UIMC1: variants seen among roughly 807,000 people sequenced by gnomAD.
The protein encoded by UIMC1 is BRCA1-A complex subunit RAP80.
In UIMC1, 42 loss-of-function variants were observed where a neutral mutation model predicts 84.9. The ratio of observed to expected loss-of-function variants is 0.49; its 90% CI spans 0.39 to 0.64. The LOEUF is 0.64. UIMC1 is among the 30% of genes least tolerant of loss of function. UIMC1 has a pLI of 0.00. For missense variants in UIMC1, 825 were observed against 847.6 expected, an observed-to-expected ratio of 0.97 and a Z score of 0.33; for synonymous variants, 281 against 293.0, an observed-to-expected ratio of 0.96 and a Z score of 0.42.
At chr5:176,989,898 G>A (rs1772553981) in intron 1 of UIMC1, among the ~76,000 whole-genome samples, 1 of 150,852 alleles carries the variant, frequency 6.6e-6, no homozygotes, top group South Asian at 2.1e-4. Context: ...ATGGGGCCTG[G>A]GGCCAGGCGC....
chr5:177,010,625 G>A (rs1292620635), upstream of UIMC1, among the ~76,000 whole-genome samples: 1 of 151,898 alleles, frequency 6.6e-6, no homozygotes, highest in African/African-American at 2.4e-5. Flanking sequence ...GGGTTCAAGC[G>A]ATTCTCCTGC....
chr5:176,963,237 G>A (rs1413494072), intron 6 of UIMC1, among the ~76,000 whole-genome samples: 2 of 151,310 alleles, frequency 1.3e-5, no homozygotes, highest in African/African-American at 2.4e-5. Flanking sequence ...AAGTGAAAAT[G>A]GGGCTGGGCA....
intron 6 of UIMC1, among the ~76,000 whole-genome samples, chr5:176,958,903 T>C (rs1198110101): frequency 6.6e-6 from 1 of 152,260 alleles, no homozygotes; most frequent in African/African-American, 2.4e-5. Flanking sequence ...ACTGCTGCCT[T>C]AGGCAGACTT....
At chr5:176,942,160 A>C (rs1318346218) in intron 10 of UIMC1, among the ~76,000 whole-genome samples, 4 of 152,170 alleles carry the variant, frequency 2.6e-5, no homozygotes, top group African/African-American at 9.7e-5. Context: ...TCTTAAAGAG[A>C]TAAACCAACA....
intron 9 of UIMC1, among the ~76,000 whole-genome samples, chr5:176,946,263 C>T (rs1392316771): frequency 2.0e-5 from 3 of 152,128 alleles, no homozygotes; most frequent in Admixed American, 6.6e-5. Flanking sequence ...GGGCTGCTGG[C>T]CAGATCCCAC....
In UIMC1 at chr5:176,969,669, C is replaced by T. The variant is rs757774722; in HGVS notation, c.395G>A (p.Arg132Gln). The T allele has an allele frequency of 6.8e-6, 11 of 1,613,908 alleles. 1 individual carries two copies. The East Asian group carries it at 1.3e-4, about 20-fold the overall frequency. The stretch of plus-strand genomic sequence containing the variant: ...GGAAGACGGTCCAGTGGCCAGAGGT[C>T]GAGATCTGGTAGCGGAAGCATCAGA... ...RPSDASATRS[R>Q]PLATGPSSQS... Residue 132 changes from arginine to glutamine, a missense_variant, in exon 5 of 15, where the codon CGA (arginine) becomes CAA (glutamine). By Grantham distance (43) the Arg-to-Gln change is conservative. Transcript: ENST00000511320.
intron 1 of UIMC1, among the ~76,000 whole-genome samples, chr5:176,986,104 T>C (rs918634901): frequency 6.6e-6 from 1 of 151,488 alleles, no homozygotes; most frequent in African/African-American, 2.4e-5. Flanking sequence ...CATGGCATCC[T>C]GTGTCTACAG....
chr5:176,905,585 G>A, intron 14 of UIMC1, 93 bp from the exon 15 acceptor site: 1 of 1,133,228 alleles, frequency 8.8e-7, no homozygotes, highest in Non-Finnish European at 1.3e-6. Context: ...ACATATCAGG[G>A]GATTATTAGT....
chr5:177,010,795 C>T (rs1412079313), upstream of UIMC1, among the ~76,000 whole-genome samples: 1 of 151,978 alleles, frequency 6.6e-6, no homozygotes, highest in African/African-American at 2.4e-5. Context: ...AGTGAGCAAC[C>T]GGGTCCGGCC....
intron 1 of UIMC1, among the ~76,000 whole-genome samples, chr5:176,988,966 C>A (rs1007591429): frequency 1.3e-5 from 2 of 152,014 alleles, no homozygotes; most frequent in Non-Finnish European, 2.9e-5. Context: ...ACAGGGTAAG[C>A]CACCGTGCCC....
At chr5:176,924,411 G>A (rs1360698073) in intron 10 of UIMC1, among the ~76,000 whole-genome samples, 1 of 151,462 alleles carries the variant, frequency 6.6e-6, no homozygotes, top group African/African-American at 2.4e-5. Context: ...TTTAAGACTC[G>A]CTATGAAGCT....
intron 10 of UIMC1, among the ~76,000 whole-genome samples, chr5:176,924,777 A>AT (rs1357136628): frequency 6.6e-6 from 1 of 152,204 alleles, no homozygotes; most frequent in Admixed American, 6.5e-5. Context: ...GCGGTGGCTC[A>AT]TATCTGTAAT....
intron 1 of UIMC1, among the ~76,000 whole-genome samples, chr5:177,020,991 G>A (rs1320867563): frequency 6.6e-6 from 1 of 152,174 alleles, no homozygotes; most frequent in African/African-American, 2.4e-5. Flanking sequence ...AATGACAAGA[G>A]ACAAAAGGCT....
At chr5:176,956,112 C>A in intron 7 of UIMC1, 77 bp from the exon 8 acceptor site, 1 of 1,386,060 alleles carries the variant, frequency 7.2e-7, no homozygotes, top group South Asian at 1.2e-5. Flanking sequence ...TGGTGAGTCA[C>A]TCACAAAGCC....
chr5:176,915,570 C>T (rs1760864736), intron 10 of UIMC1, among the ~76,000 whole-genome samples: 1 of 151,590 alleles, frequency 6.6e-6, no homozygotes, highest in Admixed American at 6.6e-5. Flanking sequence ...ATTCTCCTGC[C>T]TCAGCCCCCT....
At chr5:176,986,197 TAAAAACACAA>T (rs1293106908) in intron 1 of UIMC1, among the ~76,000 whole-genome samples, 1 of 150,512 alleles carries the variant, frequency 6.6e-6, no homozygotes, top group Admixed American at 6.6e-5. Context: ...CCATCTCCAC[TAAAAACACAA>T]AAATTAGCTC....
chr5:176,984,316 G>C (rs1415023773), intron 1 of UIMC1, among the ~76,000 whole-genome samples: 2 of 132,068 alleles, frequency 1.5e-5, no homozygotes, highest in Non-Finnish European at 3.4e-5. Context: ...TGGGAAATGG[G>C]GAGTGCCTCT....
intron 6 of UIMC1, among the ~76,000 whole-genome samples, chr5:176,958,492 G>T (rs1046906566): frequency 6.6e-6 from 1 of 152,176 alleles, no homozygotes; most frequent in African/African-American, 2.4e-5. Flanking sequence ...TAACATGCAA[G>T]ACCTGTATCA....
chr5:177,013,080 CA>C (rs35280210), intron 1 of UIMC1, among the ~76,000 whole-genome samples: 28,599 of 131,222 alleles, frequency 0.22, 3,618 homozygotes, highest in East Asian at 0.52. Flanking sequence ...GATCTTGTAT[CA>C]AAAAAAAAAA....
Sources: gnomAD v4.1 joint callset for allele counts (sites outside exome capture counted in the v4.1 genomes callset) on GRCh38, gnomAD v4.1.1 for gene constraint, MANE v1.5 for transcripts, NCBI Gene and HGNC (gene_info 2026-07-23, HGNC 2026-07-21) for gene names.